The following PDE3B variants were observed in gnomAD, a reference collection of about 807,000 sequenced individuals.
PDE3B encodes phosphodiesterase 3B, also known as cGMP-inhibited 3',5'-cyclic phosphodiesterase 3B.
In PDE3B, 66 loss-of-function variants were observed where a neutral mutation model predicts 116.8. The observed-to-expected ratio is 0.56, with a 90% CI of 0.46 to 0.69. The LOEUF is 0.69. PDE3B is among the 30% of genes least tolerant of loss of function. The pLI, the probability that PDE3B is intolerant of heterozygous loss-of-function variation, is 0.00. For missense variants in PDE3B, 1,384 were observed against 1,368.1 expected (o/e 1.01, Z -0.18); for synonymous variants, 595 against 533.6 (o/e 1.12, Z -1.59).
intron 7 of PDE3B, among the ~76,000 whole-genome samples, chr11:14,826,613 A>G (rs924193603): frequency 1.1e-4 from 17 of 152,148 alleles, no homozygotes; most frequent in African/African-American, 4.1e-4. Flanking sequence ...TCCAAAACGG[A>G]ATCTGTAATA....
At chr11:14,811,003 G>T (rs1357388834) in intron 5 of PDE3B, among the ~76,000 whole-genome samples, 130 of 150,078 alleles carry the variant, frequency 8.7e-4, no homozygotes, top group African/African-American at 2.5e-3. Context: ...TTGCCCACTT[G>T]TTGATGGGGT....
At chr11:14,836,818 G>C (rs377440788) in intron 11 of PDE3B, among the ~76,000 whole-genome samples, 19 of 152,064 alleles carry the variant, frequency 1.2e-4, no homozygotes, top group South Asian at 4.2e-4. Flanking sequence ...TTCTTTCTTT[G>C]TTTATTTTGG....
At chr11:14,758,999 G>A (rs1276867849) in intron 1 of PDE3B, among the ~76,000 whole-genome samples, 2 of 152,094 alleles carry the variant, frequency 1.3e-5, no homozygotes, top group African/African-American at 4.8e-5. Flanking sequence ...TTTTGTCAAA[G>A]GCTTTTTCTG....
intron 8 of PDE3B, among the ~76,000 whole-genome samples, chr11:14,831,299 T>G (rs1441725578): frequency 6.6e-6 from 1 of 151,676 alleles, no homozygotes; most frequent in Non-Finnish European, 1.5e-5. Flanking sequence ...AATATAAGGA[T>G]ATGGTTTTTT....
chr11:14,655,054 G>A (rs1853675797), intron 1 of PDE3B, among the ~76,000 whole-genome samples: 1 of 151,866 alleles, frequency 6.6e-6, no homozygotes, highest in South Asian at 2.1e-4. Flanking sequence ...AAATATAGAA[G>A]CAAAAACTTT....
chr11:14,859,163 C>T lies in PDE3B; in HGVS notation c.2641C>T (p.Arg881Cys), dbSNP rs782003397. The change falls in exon 13 of 16, where the codon CGC becomes TGC. Residue 881 changes from arginine to cysteine, a missense_variant. Around this residue, in one of 2 missense-constraint regions of PDE3B, gnomAD observed 428 missense variants for 561.4 expected, o/e 0.76. Transcript: ENST00000282096. ...LLHLDHVEFK[R>C]FRFLVIEAIL... is the part of the protein sequence containing the mutation. Reference sequence around the variant, plus strand: ...TCATCTTGATCATGTGGAATTCAAGCGCTTTCGTTTTTTAGTCATTGAAGC... The same window carrying T: ...TCATCTTGATCATGTGGAATTCAAGTGCTTTCGTTTTTTAGTCATTGAAGC... The T allele has an allele frequency of 8.1e-6, 13 of 1,613,428 alleles. No individual in the cohort carries two copies. Among genetic ancestry groups the T allele is most frequent in the African/African-American group, 4.0e-5 (3 of 74,880 alleles).
intron 1 of PDE3B, among the ~76,000 whole-genome samples, chr11:14,752,641 A>G (rs1049843267): frequency 1.3e-5 from 2 of 152,094 alleles, no homozygotes; most frequent in Non-Finnish European, 2.9e-5. Flanking sequence ...AAGGAGATCC[A>G]TTGAATATAT....
chr11:14,837,600 A>G (rs765332669), intron 11 of PDE3B, among the ~76,000 whole-genome samples: 1 of 152,066 alleles, frequency 6.6e-6, no homozygotes, highest in Non-Finnish European at 1.5e-5. Context: ...CTTAATGACC[A>G]TTTTTCTATC....
chr11:14,885,164 C>T, the PDE3B span, among the ~76,000 whole-genome samples: 4 of 152,160 alleles, frequency 2.6e-5, no homozygotes, highest in Admixed American at 2.6e-4. Context: ...AATTCTTATA[C>T]TATTAACTAT....
chr11:14,755,122 GT>G (rs1372320917), intron 1 of PDE3B, among the ~76,000 whole-genome samples: 2 of 152,156 alleles, frequency 1.3e-5, no homozygotes, highest in Non-Finnish European at 2.9e-5. Context: ...CAAAAATCAT[GT>G]TATAGTAAAA....
chr11:14,880,483 A>C, the PDE3B span: 1 of 1,613,512 alleles, frequency 6.2e-7, no homozygotes. Flanking sequence ...AGCTAGTTCC[A>C]CATTTTCACT....
intron 1 of PDE3B, among the ~76,000 whole-genome samples, chr11:14,731,484 T>A (rs1180320168): frequency 6.6e-6 from 1 of 152,064 alleles, no homozygotes; most frequent in African/African-American, 2.4e-5. Context: ...GGTCTCGATC[T>A]CCTGACCTCG....
At chr11:14,872,616 C>T (rs995898527), downstream of PDE3B, among the ~76,000 whole-genome samples, 5 of 152,092 alleles carry the variant, frequency 3.3e-5, no homozygotes, top group African/African-American at 7.2e-5. Context: ...AAGAATAACA[C>T]GATTAGATTT....
At chr11:14,757,225 C>G (rs1480511718) in intron 1 of PDE3B, among the ~76,000 whole-genome samples, 1 of 151,420 alleles carries the variant, frequency 6.6e-6, no homozygotes, top group Non-Finnish European at 1.5e-5. Context: ...GGGTCGGTTC[C>G]AAGTCTTTGC....
At chr11:14,661,209 C>T in intron 1 of PDE3B, among the ~76,000 whole-genome samples, 1 of 152,214 alleles carries the variant, frequency 6.6e-6, no homozygotes, top group East Asian at 1.9e-4. Flanking sequence ...GCTATAAAGA[C>T]ACATGCACAC....
chr11:14,842,597 G>C (rs932427654), intron 11 of PDE3B, among the ~76,000 whole-genome samples: 1 of 151,988 alleles, frequency 6.6e-6, no homozygotes, highest in Non-Finnish European at 1.5e-5. Flanking sequence ...GCTCTAAGCC[G>C]GTGTAGTGGT....
At chr11:14,688,413 T>G (rs748083754) in intron 1 of PDE3B, among the ~76,000 whole-genome samples, 1 of 152,118 alleles carries the variant, frequency 6.6e-6, no homozygotes, top group Non-Finnish European at 1.5e-5. Context: ...GTGCTGACAC[T>G]TATGTCAGCA....
chr11:14,650,059 T>A (rs1449258235), intron 1 of PDE3B, among the ~76,000 whole-genome samples: 1 of 152,154 alleles, frequency 6.6e-6, no homozygotes, highest in African/African-American at 2.4e-5. Context: ...CCACTTTTTT[T>A]TTTTTCTTTT....
At position 14,861,185 on chromosome 11, in the gene PDE3B, A is replaced by T. The variant is rs781856954; in HGVS notation, c.2725-20A>T. ...AAAAATGCCTTCAGAACCTAAAATG[A>T]TGTTGTTTTTCCAAAATAGGCAAAT... On this transcript the variant is annotated intron_variant, in intron 13 of 15. Transcript: ENST00000282096. 1.3e-5 allele frequency: 20 copies of T among 1,589,884 alleles called. No homozygotes were observed. In the Admixed American group the frequency reaches 3.4e-4, roughly 27 times the overall value.
Sources: gnomAD v4.1 joint callset for allele counts (sites outside exome capture counted in the v4.1 genomes callset) on GRCh38, gnomAD v4.1.1 for gene constraint, gnomAD v4.1.1 regional missense constraint, MANE v1.5 for transcripts, NCBI Gene and HGNC (gene_info 2026-07-23, HGNC 2026-07-21) for gene names.